Variants in KCNQ3 observed in about 807,000 individuals in gnomAD.
KCNQ3 encodes the protein potassium voltage-gated channel subfamily KQT member 3.
In KCNQ3, 30 loss-of-function variants were observed where a neutral mutation model predicts 92.5. That is an observed-to-expected ratio of 0.32 (90% CI 0.24 to 0.44). The LOEUF (loss-of-function observed/expected upper bound fraction) is 0.44. Ranked by LOEUF, KCNQ3 falls within the 20% of genes least tolerant of loss-of-function variation. The pLI, the probability that KCNQ3 is intolerant of heterozygous loss-of-function variation, is 1.00. For synonymous variants in KCNQ3, 450 were observed against 468.8 expected, an observed-to-expected ratio of 0.96 and a Z score of 0.52; for missense variants, 913 against 1,140.3, an observed-to-expected ratio of 0.80 and a Z score of 2.87.
intron 1 of KCNQ3, among the ~76,000 whole-genome samples, chr8:132,279,537 G>T (rs149334614): frequency 6.6e-6 from 1 of 152,158 alleles, no homozygotes; most frequent in Non-Finnish European, 1.5e-5. Context: ...CTCTGCAGTG[G>T]ACTCTACTTG....
intron 1 of KCNQ3, among the ~76,000 whole-genome samples, chr8:132,213,575 A>C (rs1017703854): frequency 1.3e-5 from 2 of 152,180 alleles, no homozygotes; most frequent in Admixed American, 1.3e-4. Flanking sequence ...TGCAGAGTGC[A>C]TGTCACCCCT....
At chr8:132,424,219 G>C (rs1345109223) in intron 1 of KCNQ3, among the ~76,000 whole-genome samples, 1 of 151,826 alleles carries the variant, frequency 6.6e-6, no homozygotes, top group Admixed American at 6.6e-5. Flanking sequence ...ACACACAGCT[G>C]TTCTGCCTCT....
chr8:132,195,862 G>A (rs559855984), intron 1 of KCNQ3, among the ~76,000 whole-genome samples: 70 of 152,246 alleles, frequency 4.6e-4, no homozygotes, highest in African/African-American at 1.7e-3. Context: ...AGCTAGGGTG[G>A]CTATAGTAAT....
intron 1 of KCNQ3, among the ~76,000 whole-genome samples, chr8:132,231,677 T>G (rs1023100240): frequency 6.6e-6 from 1 of 152,204 alleles, no homozygotes; most frequent in African/African-American, 2.4e-5. Context: ...TTCCAGACTA[T>G]GAGAAAATAA....
intron 1 of KCNQ3, among the ~76,000 whole-genome samples, chr8:132,318,106 T>G (rs931653625): frequency 1.2e-4 from 18 of 152,196 alleles, no homozygotes; most frequent in African/African-American, 4.3e-4. Flanking sequence ...TTAAATTGCT[T>G]TGAACTCAGT....
intron 8 of KCNQ3, among the ~76,000 whole-genome samples, 171 bp downstream of exon 8, chr8:132,170,163 G>A (rs539754841): frequency 4.6e-5 from 7 of 152,182 alleles, no homozygotes; most frequent in Admixed American, 1.3e-4. Flanking sequence ...GTGAGCCACC[G>A]CGCCCAGCCA....
intron 8 of KCNQ3, among the ~76,000 whole-genome samples, chr8:132,164,261 T>C (rs1157350296): frequency 6.7e-6 from 1 of 149,852 alleles, no homozygotes; most frequent in Non-Finnish European, 1.5e-5. Flanking sequence ...AGGTCTACAC[T>C]GAGCAAATCC....
intron 1 of KCNQ3, among the ~76,000 whole-genome samples, chr8:132,286,221 C>T (rs761092574): frequency 2.0e-5 from 3 of 152,176 alleles, no homozygotes; most frequent in Non-Finnish European, 4.4e-5. Flanking sequence ...CTAAGAAAGC[C>T]ACAGACACCA....
At chr8:132,191,098 C>A (rs950155740) in intron 1 of KCNQ3, among the ~76,000 whole-genome samples, 3 of 152,142 alleles carry the variant, frequency 2.0e-5, no homozygotes, top group African/African-American at 7.2e-5. Flanking sequence ...GCTGGGAGCA[C>A]GACATGAAAG....
intron 1 of KCNQ3, among the ~76,000 whole-genome samples, chr8:132,204,564 C>G (rs1186451206): frequency 6.6e-6 from 1 of 152,198 alleles, no homozygotes; most frequent in African/African-American, 2.4e-5. Flanking sequence ...TCTCCTCTCT[C>G]TCCTCCTAAC....
intron 1 of KCNQ3, among the ~76,000 whole-genome samples, chr8:132,401,793 G>A (rs1353943410): frequency 3.9e-5 from 6 of 152,206 alleles, no homozygotes; most frequent in Admixed American, 3.3e-4. Context: ...GATGCAAAAC[G>A]AAATACTTGA....
At chr8:132,304,009 A>G (rs1311464776) in intron 1 of KCNQ3, among the ~76,000 whole-genome samples, 1 of 152,080 alleles carries the variant, frequency 6.6e-6, no homozygotes, top group African/African-American at 2.4e-5. Flanking sequence ...AGCAACATGG[A>G]TGGAACTGGA....
chr8:132,314,318 C>G (rs74681197), intron 1 of KCNQ3, among the ~76,000 whole-genome samples: 1 of 152,154 alleles, frequency 6.6e-6, no homozygotes, highest in African/African-American at 2.4e-5. Context: ...GACATTAAGT[C>G]GTCAGGTCTA....
chr8:132,267,598 T>A (rs184183735), intron 1 of KCNQ3, among the ~76,000 whole-genome samples: 224 of 152,300 alleles, frequency 1.5e-3, no homozygotes, highest in Middle Eastern at 6.8e-3. Flanking sequence ...ATCTCATACA[T>A]AACTACTTAT....
chr8:132,470,705 T>C (rs897172183), intron 1 of KCNQ3, among the ~76,000 whole-genome samples: 1 of 152,236 alleles, frequency 6.6e-6, no homozygotes, highest in Non-Finnish European at 1.5e-5. Context: ...TGTCCCCTGT[T>C]ATTTATTTTT....
intron 1 of KCNQ3, among the ~76,000 whole-genome samples, chr8:132,239,745 C>T (rs1814927037): frequency 6.6e-6 from 1 of 152,302 alleles, no homozygotes; most frequent in African/African-American, 2.4e-5. Flanking sequence ...GATAGCAGAG[C>T]AATTCCTGGA....
chr8:132,129,197 G>C lies in KCNQ3; in HGVS notation c.*65C>G. On this transcript the variant is annotated 3_prime_UTR_variant, in exon 15 of 15. Transcript: ENST00000388996. The surrounding 1 kb of genome is among the most constrained non-coding windows in gnomAD (Gnocchi z 5.9). ...GTGTCCCCGCTGGTAAGCGTCGGGT[G>C]TAAGAGTAAGTGAACTATACAAAGT... The C allele has an allele frequency of 1.3e-6, 2 of 1,576,014 alleles. No homozygotes were observed. The highest frequency in any genetic ancestry group is 1.7e-6 in the Non-Finnish European group (2 of 1,160,296).
chr8:132,441,540 C>T (rs539464170), intron 1 of KCNQ3, among the ~76,000 whole-genome samples: 76 of 151,956 alleles, frequency 5.0e-4, no homozygotes, highest in African/African-American at 1.7e-3. Context: ...GGCGATAGAG[C>T]GAGACTCTGG....
intron 1 of KCNQ3, among the ~76,000 whole-genome samples, chr8:132,194,111 C>G (rs554589453): frequency 1.3e-5 from 2 of 152,324 alleles, no homozygotes; most frequent in South Asian, 4.1e-4. Context: ...GAAGGTAGCA[C>G]TAGACTCTCT....
Sources: allele counts gnomAD v4.1 joint callset (sites outside exome capture counted in the v4.1 genomes callset), GRCh38; gene constraint gnomAD v4.1.1; non-coding constraint Gnocchi (gnomAD v3.1); transcripts MANE v1.5; gene names NCBI Gene and HGNC (gene_info 2026-07-23, HGNC 2026-07-21).